Variants in MTRF1 observed in about 807,000 individuals in gnomAD.
The protein encoded by MTRF1 is peptide chain release factor 1, mitochondrial.
In MTRF1, 51 loss-of-function variants were observed where a neutral mutation model predicts 62.9. The observed-to-expected ratio is 0.81, with a 90% CI of 0.65 to 1.02. The LOEUF (loss-of-function observed/expected upper bound fraction) is 1.02. Among genes scored for constraint, MTRF1 ranks in the 50% least tolerant of loss-of-function variants. The pLI is 0.00. For synonymous variants in MTRF1, 158 were observed against 181.9 expected (o/e 0.87, Z 1.06); for missense variants, 446 against 530.0 (o/e 0.84, Z 1.56).
chr13:41,221,440 G>T (rs964178391), intron 9 of MTRF1, among the ~76,000 whole-genome samples: 1 of 152,080 alleles, frequency 6.6e-6, no homozygotes, highest in Non-Finnish European at 1.5e-5. Context: ...TTACAGGCGT[G>T]AGCCACCGTG....
the MTRF1 span, among the ~76,000 whole-genome samples, chr13:41,301,523 G>T: frequency 6.6e-6 from 1 of 152,122 alleles, no homozygotes; most frequent in Admixed American, 6.6e-5. Flanking sequence ...TGAGGTGGAC[G>T]GATCACCTGA....
At chr13:41,245,542 G>T (rs1483349028) in intron 5 of MTRF1, among the ~76,000 whole-genome samples, 1 of 152,248 alleles carries the variant, frequency 6.6e-6, no homozygotes, top group South Asian at 2.1e-4. Context: ...ACCATGCTCA[G>T]CCTCTTAATT....
At chr13:41,275,069 A>G in the MTRF1 span, among the ~76,000 whole-genome samples, 1 of 152,200 alleles carries the variant, frequency 6.6e-6, no homozygotes, top group African/African-American at 2.4e-5. Context: ...TAGCATTCCT[A>G]TGCATGATGT....
the MTRF1 span, among the ~76,000 whole-genome samples, chr13:41,273,698 G>A: frequency 5.7e-4 from 87 of 152,192 alleles, no homozygotes; most frequent in African/African-American, 1.7e-3. Context: ...TTAGCTGAGC[G>A]TGGTGGTGCA....
intron 4 of MTRF1, 29 bp downstream of exon 4, chr13:41,252,920 C>A (rs1427573664): frequency 1.3e-6 from 2 of 1,518,818 alleles, no homozygotes; most frequent in Non-Finnish European, 1.8e-6. Context: ...CTTTTTAGAT[C>A]ATTTAAATAA....
chr13:41,311,677 T>C, the MTRF1 span: 1 of 1,120,186 alleles, frequency 8.9e-7, no homozygotes, highest in South Asian at 1.4e-5. Flanking sequence ...GGGCCAGGCT[T>C]GGCCTCCGCT....
intron 5 of MTRF1, among the ~76,000 whole-genome samples, chr13:41,247,379 G>A (rs1473391797): frequency 6.6e-6 from 1 of 152,174 alleles, no homozygotes; most frequent in Non-Finnish European, 1.5e-5. Context: ...GACAGGGATG[G>A]AGAAAAAGGC....
chr13:41,280,715 C>T, the MTRF1 span, among the ~76,000 whole-genome samples: 1 of 152,196 alleles, frequency 6.6e-6, no homozygotes, highest in East Asian at 1.9e-4. Flanking sequence ...TGTTACACGC[C>T]ACTGGTCACT....
intron 5 of MTRF1, among the ~76,000 whole-genome samples, chr13:41,247,917 C>G (rs993084890): frequency 2.6e-5 from 4 of 152,172 alleles, no homozygotes; most frequent in Admixed American, 1.3e-4. Flanking sequence ...ACACAAGCCC[C>G]TATCCTGACT....
chr13:41,290,818 C>T, the MTRF1 span, among the ~76,000 whole-genome samples: 6 of 151,484 alleles, frequency 4.0e-5, no homozygotes, highest in East Asian at 7.9e-4. Flanking sequence ...AGAGGCTGGA[C>T]GCAGTGGCTC....
the MTRF1 span, among the ~76,000 whole-genome samples, chr13:41,310,062 C>A: frequency 1.3e-5 from 2 of 152,190 alleles, no homozygotes; most frequent in Non-Finnish European, 2.9e-5. Flanking sequence ...AGTTACTCAT[C>A]AATTACTTTA....
chr13:41,240,568 G>T, intron 5 of MTRF1, 135 bp from the exon 6 acceptor site: 1 of 642,668 alleles, frequency 1.6e-6, no homozygotes, highest in Non-Finnish European at 2.3e-6. Flanking sequence ...GAGAACGAGG[G>T]CCTCTGAAGA....
intron 5 of MTRF1, among the ~76,000 whole-genome samples, chr13:41,241,265 C>T (rs1324314466): frequency 6.6e-6 from 1 of 152,134 alleles, no homozygotes; most frequent in Non-Finnish European, 1.5e-5. Flanking sequence ...AGGATGGCCT[C>T]GAACTCCTGA....
chr13:41,253,280 G>C (rs1007512548), intron 3 of MTRF1, among the ~76,000 whole-genome samples: 3 of 152,180 alleles, frequency 2.0e-5, no homozygotes, highest in African/African-American at 7.2e-5. Flanking sequence ...TAATTTTCTA[G>C]AATGCAGAAG....
At chr13:41,298,680 A>G in the MTRF1 span, among the ~76,000 whole-genome samples, 1 of 152,202 alleles carries the variant, frequency 6.6e-6, no homozygotes, top group Non-Finnish European at 1.5e-5. Context: ...TTTGAATCAC[A>G]TTTTCTAGCA....
chr13:41,222,221 T>G (rs1377966110), intron 9 of MTRF1, among the ~76,000 whole-genome samples: 1 of 152,184 alleles, frequency 6.6e-6, no homozygotes, highest in Non-Finnish European at 1.5e-5. Flanking sequence ...CCAGTTCACT[T>G]TCTCCTTCAG....
At chr13:41,217,380 G>T in intron 9 of MTRF1, 152 bp from the exon 10 acceptor site, 1 of 471,866 alleles carries the variant, frequency 2.1e-6, no homozygotes. Flanking sequence ...TCGCTAACTT[G>T]GGAAGATCCC....
chr13:41,286,875 A>G, the MTRF1 span, among the ~76,000 whole-genome samples: 1,117 of 152,348 alleles, frequency 7.3e-3, 18 homozygotes, highest in African/African-American at 0.025. Flanking sequence ...TGTAATGAAC[A>G]TGGGTTGATA....
chr13:41,228,830 G>A (rs1389797963), intron 7 of MTRF1, among the ~76,000 whole-genome samples: 1 of 152,148 alleles, frequency 6.6e-6, no homozygotes, highest in East Asian at 1.9e-4. Flanking sequence ...TCCATGACAT[G>A]GAGAAAATAG....
Sources: allele counts gnomAD v4.1 joint callset (sites outside exome capture counted in the v4.1 genomes callset), GRCh38; gene constraint gnomAD v4.1.1; transcripts MANE v1.5; gene names NCBI Gene and HGNC (gene_info 2026-07-23, HGNC 2026-07-21).